Variants in MLLT3 observed in about 807,000 individuals in gnomAD.
MLLT3 encodes MLLT3 super elongation complex subunit.
A neutral mutation model predicts 53.2 loss-of-function variants in MLLT3; 4 were observed. The ratio of observed to expected loss-of-function variants is 0.08; its 90% CI spans 0.04 to 0.17. The LOEUF is 0.17. Among genes scored for constraint, MLLT3 ranks in the 10% least tolerant of loss-of-function variants. The pLI, the probability that MLLT3 is intolerant of heterozygous loss-of-function variation, is 1.00. For missense variants in MLLT3, 569 were observed against 684.0 expected, an observed-to-expected ratio of 0.83 and a Z score of 1.87; for synonymous variants, 283 against 230.6, an observed-to-expected ratio of 1.23 and a Z score of -2.06.
intron 2 of MLLT3, among the ~76,000 whole-genome samples, chr9:20,614,367 C>G (rs1820772340): frequency 7.4e-6 from 1 of 135,956 alleles, no homozygotes; most frequent in Middle Eastern, 3.6e-3. Context: ...GCACTCCAGC[C>G]TGGGTGACAA....
At chr9:20,605,298 T>TC (rs1820533889) in intron 2 of MLLT3, among the ~76,000 whole-genome samples, 1 of 152,122 alleles carries the variant, frequency 6.6e-6, no homozygotes, top group South Asian at 2.1e-4. Flanking sequence ...TATCAATGTA[T>TC]CTGAGATACC....
chr9:20,499,891 C>A (rs537431624), intron 2 of MLLT3, among the ~76,000 whole-genome samples: 5 of 143,392 alleles, frequency 3.5e-5, no homozygotes, highest in Non-Finnish European at 6.0e-5. Context: ...ATAGCAAGAA[C>A]CTGTCTCTTA....
intron 5 of MLLT3, among the ~76,000 whole-genome samples, chr9:20,406,435 A>G (rs151277142): frequency 6.6e-6 from 1 of 152,370 alleles, no homozygotes; most frequent in East Asian, 1.9e-4. Flanking sequence ...GAGTAATGAA[A>G]GAATATTACA....
chr9:20,565,922 T>TTATA lies in MLLT3; in HGVS notation c.193+54728_193+54731dup, dbSNP rs775070739. Among the ~76,000 whole-genome samples, 691 of 97,586 alleles carry TTATA rather than the reference T, an allele frequency of 7.1e-3. 11 individuals carry two copies. Among genetic ancestry groups the TTATA allele is most frequent in the African/African-American group, 0.029 (655 of 22,578 alleles). 64.0% of individuals were successfully genotyped at this position (97,586 alleles called of 152,430 possible). On this transcript the variant is annotated intron_variant, in intron 2 of 10. Coordinates refer to ENST00000380338, the MANE Select transcript of MLLT3 (RefSeq NM_004529.4). Reference sequence around the variant, plus strand: ...ACTCAAGGAAAAAATATATATATATTTATATATATATATATTTATATATAT... The same window carrying TTATA: ...ACTCAAGGAAAAAATATATATATATTTATATATATATATATATATTTATATATAT...
intron 5 of MLLT3, among the ~76,000 whole-genome samples, chr9:20,380,014 C>G (rs764436445): frequency 3.1e-4 from 47 of 151,990 alleles, no homozygotes; most frequent in Non-Finnish European, 6.0e-4. Context: ...TGTAGTATTG[C>G]CCAGTGAGCT....
rs1563935570 is a variant in MLLT3 at position 20,359,508 on chromosome 9, A to G, written c.1431+1234T>C. ...TGATTTTAATGTAGGACACAAAGAA[A>G]TTGCAGTTGAACTGTAACTGGTACA... On this transcript the variant is annotated intron_variant, in intron 8 of 10. Transcript: ENST00000380338. Among the ~76,000 whole-genome samples the G allele has an allele frequency of 3.3e-5, 5 of 152,368 alleles. No homozygotes were observed. The East Asian group carries it at 7.7e-4, about 23-fold the overall frequency.
At chr9:20,370,242 T>G (rs1015376426) in intron 5 of MLLT3, among the ~76,000 whole-genome samples, 1 of 152,214 alleles carries the variant, frequency 6.6e-6, no homozygotes, top group Non-Finnish European at 1.5e-5. Context: ...TCAAACTTTT[T>G]CATTATTATT....
intron 2 of MLLT3, among the ~76,000 whole-genome samples, chr9:20,612,978 C>T (rs1373561367): frequency 6.6e-6 from 1 of 152,124 alleles, no homozygotes; most frequent in African/African-American, 2.4e-5. Flanking sequence ...AGGTAACATG[C>T]ACAAAGATGC....
At chr9:20,602,948 A>G (rs1003915432) in intron 2 of MLLT3, among the ~76,000 whole-genome samples, 17 of 152,114 alleles carry the variant, frequency 1.1e-4, no homozygotes, top group African/African-American at 3.9e-4. Context: ...ATAATTCCAC[A>G]AATTCAGTAG....
At chr9:20,598,575 C>G (rs1203430169) in intron 2 of MLLT3, among the ~76,000 whole-genome samples, 1 of 152,224 alleles carries the variant, frequency 6.6e-6, no homozygotes, top group Admixed American at 6.5e-5. Flanking sequence ...GAGGACACTA[C>G]AGCCTTCAGT....
intron 3 of MLLT3, among the ~76,000 whole-genome samples, chr9:20,456,212 T>A (rs1586962120): frequency 1.3e-5 from 2 of 152,164 alleles, no homozygotes; most frequent in Non-Finnish European, 2.9e-5. Context: ...GTGCTGGGAT[T>A]ACAGGTGTGA....
chr9:20,345,097 G>A lies in MLLT3; in HGVS notation c.*1346C>T, dbSNP rs1820833315. 5 of 219,136 alleles carry A rather than the reference G, an allele frequency of 2.3e-5. No homozygotes were observed. The East Asian group carries it at 3.4e-4, about 15-fold the overall frequency. 13.6% of individuals were successfully genotyped at this position (219,136 alleles called of 1,614,324 possible). A position where few individuals can be genotyped will look rare whatever the true frequency, so the allele number is the denominator to read the frequency against. ...TTTTAAAAATAATTTGCTTTCTTTTGCATGCCACAGGACAGATTTCTAGTT... is the reference window on the plus strand; with the variant it reads ...TTTTAAAAATAATTTGCTTTCTTTTACATGCCACAGGACAGATTTCTAGTT... On this transcript the variant is annotated 3_prime_UTR_variant, in exon 11 of 11. Transcript: ENST00000380338.
At chr9:20,585,170 T>G (rs1819919065) in intron 2 of MLLT3, among the ~76,000 whole-genome samples, 1 of 152,166 alleles carries the variant, frequency 6.6e-6, no homozygotes. Flanking sequence ...TGATTCTGTT[T>G]CCGGTGAGGA....
intron 5 of MLLT3, among the ~76,000 whole-genome samples, chr9:20,405,145 C>A (rs1822549599): frequency 6.6e-6 from 1 of 152,128 alleles, no homozygotes; most frequent in Non-Finnish European, 1.5e-5. Flanking sequence ...GGGAAAAGTT[C>A]CCTCAGATAG....
At chr9:20,510,416 G>C (rs1035262279) in intron 2 of MLLT3, among the ~76,000 whole-genome samples, 3 of 152,014 alleles carry the variant, frequency 2.0e-5, no homozygotes, top group African/African-American at 7.2e-5. Flanking sequence ...TTCAAGAGCA[G>C]CCTGGCCAAC....
At chr9:20,472,620 A>T (rs1468509999) in intron 2 of MLLT3, among the ~76,000 whole-genome samples, 1 of 152,106 alleles carries the variant, frequency 6.6e-6, no homozygotes, top group Non-Finnish European at 1.5e-5. Flanking sequence ...GGCTTAAACC[A>T]ACTATAAAGA....
intron 2 of MLLT3, among the ~76,000 whole-genome samples, chr9:20,601,110 T>C (rs1394250529): frequency 6.6e-6 from 1 of 151,304 alleles, no homozygotes; most frequent in Non-Finnish European, 1.5e-5. Flanking sequence ...AATGAAGCAT[T>C]TGACAACGTC....
At chr9:20,421,046 T>C (rs1002293323) in intron 4 of MLLT3, among the ~76,000 whole-genome samples, 4 of 152,026 alleles carry the variant, frequency 2.6e-5, no homozygotes, top group African/African-American at 7.2e-5. Flanking sequence ...GGTGGATCAC[T>C]TGAGGTCAGG....
Position 20,620,919 on chromosome 9 carries a change from T to A in MLLT3, c.13-85A>T. ...AACGTTGCGCCTGACATTTTTTTCC[T>A]CCTTCTTGAAACGCACATAAAAGGA... On this transcript the variant is annotated intron_variant, in intron 1 of 10. Transcript: ENST00000380338. This position sits in a 1 kb window ranked among gnomAD's most constrained non-coding sequence, Gnocchi z 6.1. The A allele has an allele frequency of 6.9e-7, 1 of 1,445,250 alleles. No individual in the cohort carries two copies. The highest frequency in any genetic ancestry group is 9.6e-7 in the Non-Finnish European group (1 of 1,038,282). The allele number at this position is 1,445,250 out of a possible 1,614,324, so 89.5% of individuals were successfully genotyped here.
Sources: allele counts gnomAD v4.1 joint callset (sites outside exome capture counted in the v4.1 genomes callset), GRCh38; gene constraint gnomAD v4.1.1; non-coding constraint Gnocchi (gnomAD v3.1); transcripts MANE v1.5; gene names NCBI Gene and HGNC (gene_info 2026-07-23, HGNC 2026-07-21).